CENPU: variants seen among roughly 807,000 people sequenced by gnomAD.
CENPU encodes the protein centromere protein U.
Under a neutral mutation model 56.7 loss-of-function variants are expected in CENPU, and 46 were observed. That is an observed-to-expected ratio of 0.81 (90% CI 0.64 to 1.04). The LOEUF (loss-of-function observed/expected upper bound fraction) is 1.04. Among genes scored for constraint, CENPU ranks in the 50% least tolerant of loss-of-function variants. CENPU has a pLI of 0.00. For missense variants in CENPU, 510 were observed against 490.1 expected, an observed-to-expected ratio of 1.04 and a Z score of -0.38; for synonymous variants, 166 against 163.0, an observed-to-expected ratio of 1.02 and a Z score of -0.14.
chr4:184,695,271 T>C lies in CENPU; in HGVS notation c.*17A>G. 6.4e-7 allele frequency: 1 copy of C among 1,554,082 alleles called. No homozygotes were observed. Among genetic ancestry groups the C allele is most frequent in the Non-Finnish European group, 8.9e-7 (1 of 1,125,648 alleles). On this transcript the variant is annotated 3_prime_UTR_variant, in exon 13 of 13. Transcript: ENST00000281453. ...AGACTAGTCTTCCTATAGGCACATT[T>C]TAGTAGACTGCTCTTCTCATCCCTG...
At position 184,724,948 on chromosome 4, in the gene CENPU, C is replaced by A; in HGVS notation, c.320+9G>T. ...CATGAATAAACAATTGCTTGAAATA[C>A]ACCAGTACCTTCTTTTTGCTTCTTT... On this transcript the variant is annotated intron_variant, in intron 4 of 12. Coordinates refer to ENST00000281453, the MANE Select transcript of CENPU (RefSeq NM_024629.4). 6.4e-7 allele frequency: 1 copy of A among 1,550,720 alleles called. No homozygotes were observed. Among genetic ancestry groups the A allele is most frequent in the Non-Finnish European group, 8.9e-7 (1 of 1,125,808 alleles).
rs981210083 is a variant in CENPU at position 184,694,733 on chromosome 4, T to C, written c.*555A>G. On this transcript the variant is annotated 3_prime_UTR_variant, in exon 13 of 13. Transcript: ENST00000281453. Reference sequence around the variant, plus strand: ...AGTCTTCTCAGTTATAACAGTGAAGTGGATGAAATTCCTGATGAACTAATT... The same window carrying C: ...AGTCTTCTCAGTTATAACAGTGAAGCGGATGAAATTCCTGATGAACTAATT... 3.7e-6 allele frequency: 6 copies of C among 1,611,660 alleles called. No homozygotes were observed. Among genetic ancestry groups the C allele is most frequent in the Non-Finnish European group, 5.1e-6 (6 of 1,177,720 alleles).
rs191689188 is a variant in CENPU at position 184,732,486 on chromosome 4, G to T, written c.48-1518C>A. On this transcript the variant is annotated intron_variant, in intron 1 of 12. Transcript: ENST00000281453. ...GTATTGGTTTTATGGCAATTTTATA[G>T]ATGATGATTCCGGGATTCAGAAAAT... Among the ~76,000 whole-genome samples, 6 of 152,324 alleles carry T rather than the reference G, an allele frequency of 3.9e-5. No homozygotes were observed. The East Asian group carries it at 1.2e-3, about 29-fold the overall frequency.
At chr4:184,732,831 G>A (rs1056129911) in intron 1 of CENPU, among the ~76,000 whole-genome samples, 1 of 151,988 alleles carries the variant, frequency 6.6e-6, no homozygotes, top group African/African-American at 2.4e-5. Context: ...GTGAAACCCC[G>A]TCTTTACTAA....
chr4:184,721,419 CT>C (rs1761269232), intron 4 of CENPU, among the ~76,000 whole-genome samples: 1 of 114,892 alleles, frequency 8.7e-6, no homozygotes. Context: ...TGTAAATGGA[CT>C]AACTTCTCCA....
At chr4:184,702,495 T>C in intron 8 of CENPU, 54 bp from the exon 9 acceptor site, 1 of 1,323,720 alleles carries the variant, frequency 7.6e-7, no homozygotes, top group Non-Finnish European at 1.1e-6. Context: ...TGAAAGGTGT[T>C]TCATTTGCTT....
chr4:184,727,608 G>A (rs1366870302), intron 3 of CENPU, among the ~76,000 whole-genome samples: 2 of 152,098 alleles, frequency 1.3e-5, no homozygotes, highest in Non-Finnish European at 2.9e-5. Flanking sequence ...TCCTCAAAAA[G>A]TTAAAAATAG....
chr4:184,695,982 C>T (rs1226232824), intron 12 of CENPU, among the ~76,000 whole-genome samples: 1 of 152,144 alleles, frequency 6.6e-6, no homozygotes, highest in Non-Finnish European at 1.5e-5. Context: ...ACAAACCCAA[C>T]ATAAAATACA....
At chr4:184,701,348 T>C (rs753976868) in intron 10 of CENPU, among the ~76,000 whole-genome samples, 1 of 152,172 alleles carries the variant, frequency 6.6e-6, no homozygotes, top group Non-Finnish European at 1.5e-5. Flanking sequence ...CACTCCGTAA[T>C]AAGCAATGCA....
At chr4:184,722,497 G>A (rs1201791240) in intron 4 of CENPU, among the ~76,000 whole-genome samples, 3 of 151,804 alleles carry the variant, frequency 2.0e-5, no homozygotes, top group Admixed American at 6.6e-5. Context: ...ATATAGAAAA[G>A]ATCAAGGATT....
intron 4 of CENPU, among the ~76,000 whole-genome samples, chr4:184,721,644 A>T (rs1361356392): frequency 1.3e-5 from 2 of 152,200 alleles, no homozygotes; most frequent in Non-Finnish European, 2.9e-5. Context: ...AGAAACTGTA[A>T]GAAGAGACAA....
intron 4 of CENPU, among the ~76,000 whole-genome samples, chr4:184,722,469 G>C (rs1261506987): frequency 6.6e-6 from 1 of 151,942 alleles, no homozygotes; most frequent in Non-Finnish European, 1.5e-5. Flanking sequence ...TAAAAATAAT[G>C]AGAAAAGCTG....
At chr4:184,727,007 C>G (rs548349191) in intron 3 of CENPU, among the ~76,000 whole-genome samples, 1 of 148,418 alleles carries the variant, frequency 6.7e-6, no homozygotes, top group Non-Finnish European at 1.5e-5. Context: ...CCCAGCCACT[C>G]GGGAAGCTGA....
chr4:184,713,208 T>C (rs1760981478), intron 6 of CENPU, among the ~76,000 whole-genome samples, 195 bp from the exon 7 acceptor site: 1 of 152,038 alleles, frequency 6.6e-6, no homozygotes, highest in African/African-American at 2.4e-5. Context: ...CTGGCCAACA[T>C]GGTGAAACCC....
chr4:184,696,003 C>T lies in CENPU; in HGVS notation c.1144-602G>A, dbSNP rs539626081. On this transcript the variant is annotated intron_variant, in intron 12 of 12. Coordinates refer to ENST00000281453, the MANE Select transcript of CENPU (RefSeq NM_024629.4). The stretch of plus-strand genomic sequence containing the variant: ...CCAACATAAAATACAATATCCAACT[C>T]ATGATTTTGAAATAATTAACAAAGT... Among the ~76,000 whole-genome samples the T allele has an allele frequency of 2.0e-5, 3 of 152,174 alleles. No individual in the cohort carries two copies. The East Asian group carries it at 5.8e-4, about 29-fold the overall frequency.
chr4:184,728,995 A>G lies in CENPU; in HGVS notation c.137T>C (p.Phe46Ser). Residue 46 changes from phenylalanine (F) to serine (S), a missense_variant, in exon 3 of 13, where the codon TTT becomes TCT. Transcript: ENST00000281453. ...GCTTGAGACATCAGAATTATCAGGA[A>G]AGTCGAACACGTCAATAGGCTTGCA... ...QKCKPIDVFD[F>S]PDNSDVSSIG... The G allele has an allele frequency of 6.2e-7, 1 of 1,614,024 alleles. No homozygotes were observed. The highest frequency in any genetic ancestry group is 2.2e-5 in the East Asian group (1 of 44,888).
chr4:184,707,220 G>T, intron 8 of CENPU, among the ~76,000 whole-genome samples: 1 of 151,148 alleles, frequency 6.6e-6, no homozygotes, highest in Non-Finnish European at 1.5e-5. Context: ...AGAAAGCTGT[G>T]AAAACCCTGA....
At chr4:184,733,443 G>C (rs1286794019) in intron 1 of CENPU, 1 of 986,850 alleles carries the variant, frequency 1.0e-6, no homozygotes, top group East Asian at 1.1e-4. Flanking sequence ...ATTCGCCAAC[G>C]AATCAGCGAC....
intron 3 of CENPU, among the ~76,000 whole-genome samples, chr4:184,725,963 C>T (rs560695180): frequency 6.6e-6 from 1 of 152,196 alleles, no homozygotes; most frequent in Admixed American, 6.5e-5. Flanking sequence ...GAAGAGGTGG[C>T]CAGTGGTGAC....
Sources: allele counts gnomAD v4.1 joint callset (sites outside exome capture counted in the v4.1 genomes callset), GRCh38; gene constraint gnomAD v4.1.1; transcripts MANE v1.5; gene names NCBI Gene and HGNC (gene_info 2026-07-23, HGNC 2026-07-21).